Variants in LTBP1 observed in about 807,000 individuals in gnomAD.
LTBP1 encodes latent-transforming growth factor beta-binding protein 1.
A neutral mutation model predicts 207.6 loss-of-function variants in LTBP1; 129 were observed. The ratio of observed to expected loss-of-function variants is 0.62; its 90% CI spans 0.54 to 0.72. The LOEUF (loss-of-function observed/expected upper bound fraction) is 0.72, where lower values mean the gene tolerates loss of function less well. Among genes scored for constraint, LTBP1 ranks in the 30% least tolerant of loss-of-function variants. LTBP1 has a pLI of 0.00. For missense variants in LTBP1, 2,281 were observed against 2,217.2 expected (o/e 1.03, Z -0.58); for synonymous variants, 963 against 833.7 (o/e 1.16, Z -2.67).
chr2:33,293,634 A>C (rs2093817608), intron 20 of LTBP1, among the ~76,000 whole-genome samples: 2 of 152,200 alleles, frequency 1.3e-5, no homozygotes, highest in African/African-American at 4.8e-5. Flanking sequence ...ATAGCATGGG[A>C]ATTATTTCTG....
At chr2:33,289,611 C>T (rs1414345584) in intron 19 of LTBP1, among the ~76,000 whole-genome samples, 2 of 152,204 alleles carry the variant, frequency 1.3e-5, no homozygotes, top group Non-Finnish European at 2.9e-5. Context: ...AGCAGCCCTC[C>T]CACCTCAGCC....
At position 33,230,364 on chromosome 2, in the gene LTBP1, G is replaced by GT. The variant is rs199805470; in HGVS notation, c.1876+8221dup. Among the ~76,000 whole-genome samples the GT allele has an allele frequency of 1.1e-4, 17 of 151,894 alleles. No homozygotes were observed. The East Asian group carries it at 1.5e-3, about 14-fold the overall frequency. The stretch of plus-strand genomic sequence containing the variant: ...CTTTCAAATAATTGCCCTCAAAGTT[G>GT]TTTTTTTTCCTCCTCTCTAGTGGTG... On this transcript the variant is annotated intron_variant, in intron 9 of 33. Transcript: ENST00000404816.
At chr2:33,193,566 TTG>T (rs1303228410) in intron 7 of LTBP1, among the ~76,000 whole-genome samples, 1 of 152,230 alleles carries the variant, frequency 6.6e-6, no homozygotes, top group Non-Finnish European at 1.5e-5. Context: ...TAGATAGATA[TTG>T]TGTCTTTTAC....
intron 26 of LTBP1, 113 bp from the exon 27 acceptor site, chr2:33,360,484 A>G (rs2150027599): frequency 4.7e-6 from 3 of 636,098 alleles, no homozygotes; most frequent in East Asian, 2.7e-5. Flanking sequence ...AGCATTTTCT[A>G]TAAAGCAAAT....
intron 3 of LTBP1, among the ~76,000 whole-genome samples, chr2:33,108,758 G>C (rs1003589429): frequency 6.6e-6 from 1 of 152,146 alleles, no homozygotes; most frequent in Non-Finnish European, 1.5e-5. Flanking sequence ...AGGGCAAATT[G>C]CTTCCGAGAT....
In LTBP1 at chr2:33,252,690, GA is replaced by G. The variant is rs773382904; in HGVS notation, c.2014del (p.Ile672SerfsTer79). ...FSSCVPDPPV[I>X]SEEKGPCYRL... Reference sequence around the variant, plus strand: ...TCTCTGCTTCAGCTGATCCCCCTGTGATCTCGGAAGAGAAAGGGCCCTGTTA... The same window carrying G: ...TCTCTGCTTCAGCTGATCCCCCTGTGTCTCGGAAGAGAAAGGGCCCTGTTA... On this transcript the variant is annotated frameshift_variant, in exon 11 of 34. Coordinates refer to ENST00000404816, the MANE Select transcript of LTBP1 (RefSeq NM_206943.4). LOFTEE classifies it high-confidence loss of function. 1 of 1,611,942 alleles carries G rather than the reference GA, an allele frequency of 6.2e-7. No homozygotes were observed. Among genetic ancestry groups the G allele is most frequent in the African/African-American group, 1.3e-5 (1 of 75,004 alleles).
At chr2:32,953,596 C>T (rs1301776952) in intron 2 of LTBP1, among the ~76,000 whole-genome samples, 2 of 152,174 alleles carry the variant, frequency 1.3e-5, no homozygotes, top group African/African-American at 4.8e-5. Flanking sequence ...AACCATAACA[C>T]TGTAATAGTG....
At chr2:32,966,959 C>A (rs1259572286) in intron 2 of LTBP1, among the ~76,000 whole-genome samples, 1 of 151,952 alleles carries the variant, frequency 6.6e-6, no homozygotes, top group African/African-American at 2.4e-5. Context: ...TATACTTTCT[C>A]CCTGAAATGT....
intron 24 of LTBP1, 151 bp downstream of exon 24, chr2:33,315,420 A>G: frequency 5.1e-6 from 5 of 986,786 alleles, no homozygotes; most frequent in Non-Finnish European, 7.4e-6. Flanking sequence ...ATCTGAAAGC[A>G]TAGCTCAGGG....
chr2:33,088,596 C>G (rs535176476), intron 3 of LTBP1, among the ~76,000 whole-genome samples: 2 of 152,290 alleles, frequency 1.3e-5, no homozygotes, highest in African/African-American at 4.8e-5. Flanking sequence ...CTGTAAGCTT[C>G]ATGAGGGTAA....
chr2:33,082,977 G>T (rs968923564), intron 3 of LTBP1, among the ~76,000 whole-genome samples: 3 of 151,976 alleles, frequency 2.0e-5, no homozygotes, highest in Non-Finnish European at 4.4e-5. Context: ...TGGGCTCTTT[G>T]CTGTGTGGGA....
chr2:33,273,055 T>G (rs1423167025), intron 15 of LTBP1, among the ~76,000 whole-genome samples: 1 of 152,222 alleles, frequency 6.6e-6, no homozygotes, highest in African/African-American at 2.4e-5. Flanking sequence ...GAAAAGATTC[T>G]ACTTTACCAG....
At chr2:33,091,031 A>C (rs189149867) in intron 3 of LTBP1, among the ~76,000 whole-genome samples, 3 of 152,154 alleles carry the variant, frequency 2.0e-5, no homozygotes, top group East Asian at 1.9e-4. Flanking sequence ...ATGCTGCTCT[A>C]ATTGTACTTA....
chr2:33,138,993 G>C (rs975630829), intron 5 of LTBP1, among the ~76,000 whole-genome samples: 14 of 150,276 alleles, frequency 9.3e-5, no homozygotes, highest in Non-Finnish European at 1.6e-4. Context: ...CGAGTAGCTG[G>C]GACTACAGGC....
rs60284185 is a variant in LTBP1 at position 33,325,921 on chromosome 2, C to G, written c.3730+10652C>G. Among the ~76,000 whole-genome samples the G allele has an allele frequency of 6.6e-3, 1,008 of 151,960 alleles. 14 individuals carry two copies. The highest frequency in any genetic ancestry group is 0.023 in the African/African-American group (964 of 41,500). ...AAGTATTTCTTTTCTATAACAAATT[C>G]AAACCTTCCTCATACACTTTTTCTG... On this transcript the variant is annotated intron_variant, in intron 24 of 33. Coordinates refer to ENST00000404816, the MANE Select transcript of LTBP1 (RefSeq NM_206943.4).
Position 32,947,836 on chromosome 2 carries a change from T to G in LTBP1, c.494+18T>G, listed in dbSNP as rs887827910. 1.2e-5 allele frequency: 16 copies of G among 1,289,522 alleles called. No homozygotes were observed. In the African/African-American group the frequency reaches 1.7e-4, roughly 14 times the overall value. 79.9% of individuals were successfully genotyped at this position (1,289,522 alleles called of 1,614,324 possible). A position where few individuals can be genotyped will look rare whatever the true frequency, so the allele number is the denominator to read the frequency against. ...CTGCAGGGGTAAGCCCACACCCCCT[T>G]CCGCCCGCCCGCCCGCCTCGCGCGC... On this transcript the variant is annotated intron_variant, in intron 1 of 33. Transcript: ENST00000404816.
At chr2:33,222,313 T>C (rs1392845213) in intron 9 of LTBP1, among the ~76,000 whole-genome samples, 162 bp downstream of exon 9, 3 of 152,232 alleles carry the variant, frequency 2.0e-5, no homozygotes, top group South Asian at 4.1e-4. Flanking sequence ...AAGTTTAAAA[T>C]ATGGTTATTG....
chr2:33,075,575 C>A (rs1437775534), intron 3 of LTBP1, among the ~76,000 whole-genome samples: 3 of 152,314 alleles, frequency 2.0e-5, no homozygotes, highest in Middle Eastern at 3.4e-3. Context: ...AAAATTCCTT[C>A]CCACTTTCTT....
chr2:33,157,046 A>G (rs1057429368), intron 5 of LTBP1, among the ~76,000 whole-genome samples: 12 of 152,230 alleles, frequency 7.9e-5, no homozygotes, highest in African/African-American at 2.9e-4. Flanking sequence ...ACTGAAGAGC[A>G]GAGGTTTTGT....
Sources: allele counts gnomAD v4.1 joint callset (sites outside exome capture counted in the v4.1 genomes callset), GRCh38; gene constraint gnomAD v4.1.1; transcripts MANE v1.5; gene names NCBI Gene and HGNC (gene_info 2026-07-23, HGNC 2026-07-21).